MKLN1: variants seen among roughly 807,000 people sequenced by gnomAD.
MKLN1 encodes muskelin.
A neutral mutation model predicts 99.0 loss-of-function variants in MKLN1; 18 were observed. The observed-to-expected ratio is 0.18, with a 90% confidence interval of 0.13 to 0.27. The LOEUF is 0.27. Among genes scored for constraint, MKLN1 ranks in the 10% least tolerant of loss-of-function variants. The pLI is 1.00. For synonymous variants in MKLN1, 288 were observed against 293.2 expected, an observed-to-expected ratio of 0.98 and a Z score of 0.18; for missense variants, 621 against 875.9, an observed-to-expected ratio of 0.71 and a Z score of 3.67.
In MKLN1 at chr7:131,414,251, C is replaced by T. The variant is rs570610175; in HGVS notation, c.782-394C>T. On this transcript the variant is annotated intron_variant, in intron 7 of 17. Transcript: ENST00000352689. ...ATAACTCGACTTTAAAACTGCTCAT[C>T]ATACTAATGAACTATGCCTAGAATA... Among the ~76,000 whole-genome samples the T allele has an allele frequency of 2.7e-4, 41 of 152,254 alleles. No homozygotes were observed. The South Asian group carries it at 8.1e-3, about 30-fold the overall frequency.
intron 2 of MKLN1, among the ~76,000 whole-genome samples, chr7:131,191,802 C>T (rs1345265507): frequency 6.7e-6 from 1 of 150,368 alleles, no homozygotes; most frequent in Non-Finnish European, 1.5e-5. Context: ...CAACCTCCGC[C>T]TCCCAGCTTC....
chr7:131,472,558 C>T (rs1584778138), intron 16 of MKLN1, among the ~76,000 whole-genome samples: 1 of 151,414 alleles, frequency 6.6e-6, no homozygotes, highest in East Asian at 2.0e-4. Context: ...AATTGGTGAG[C>T]CCTAGTAGAA....
chr7:131,188,790 C>T (rs1254187622), intron 2 of MKLN1, among the ~76,000 whole-genome samples: 1 of 152,118 alleles, frequency 6.6e-6, no homozygotes, highest in African/African-American at 2.4e-5. Context: ...CAATCATCAT[C>T]TAAAACAGCG....
intron 7 of MKLN1, among the ~76,000 whole-genome samples, chr7:131,411,771 A>G (rs1794882277): frequency 6.6e-6 from 1 of 151,608 alleles, no homozygotes; most frequent in African/African-American, 2.4e-5. Flanking sequence ...GCTGGGCGTG[A>G]TGGTGTGTGC....
chr7:131,227,481 T>TTC (rs1296196790), intron 3 of MKLN1, among the ~76,000 whole-genome samples: 51 of 145,956 alleles, frequency 3.5e-4, no homozygotes, highest in Admixed American at 6.2e-4. Flanking sequence ...CTTTCTCTCT[T>TTC]TCTCTCTTTC....
At chr7:131,428,249 G>A (rs966057509) in intron 8 of MKLN1, among the ~76,000 whole-genome samples, 31 of 152,146 alleles carry the variant, frequency 2.0e-4, no homozygotes, top group Admixed American at 1.9e-3. Flanking sequence ...ATTCACTGAA[G>A]AAGAAAATCA....
At chr7:131,139,853 C>T (rs1336995737) in intron 1 of MKLN1, among the ~76,000 whole-genome samples, 1 of 152,088 alleles carries the variant, frequency 6.6e-6, no homozygotes, top group Non-Finnish European at 1.5e-5. Flanking sequence ...TTGGCCAAGA[C>T]CAGTACTGGT....
At chr7:131,152,594 G>A (rs1033190123) in intron 2 of MKLN1, among the ~76,000 whole-genome samples, 22 of 151,338 alleles carry the variant, frequency 1.5e-4, no homozygotes, top group African/African-American at 5.3e-4. Context: ...CCACCTCCTG[G>A]GGTCAAGCGA....
At chr7:131,169,568 T>C (rs1447208421) in intron 2 of MKLN1, among the ~76,000 whole-genome samples, 1 of 152,234 alleles carries the variant, frequency 6.6e-6, no homozygotes, top group Non-Finnish European at 1.5e-5. Context: ...AAGCTCTTTT[T>C]TGAGACAATA....
In MKLN1 at chr7:131,245,565, C is replaced by T. The variant is rs1038385877; in HGVS notation, c.-179+42591C>T. On this transcript the variant is annotated intron_variant, in intron 3 of 7. Coordinates refer to the MKLN1 transcript ENST00000416992. ...AAAGTGCTGGGATTACAGGCGTGAG[C>T]CACTGTGCCCGGCCCTATACTGTCT... is the stretch of plus-strand genomic sequence containing the variant. Among the ~76,000 whole-genome samples the T allele has an allele frequency of 2.0e-5, 3 of 152,198 alleles. No homozygotes were observed. The East Asian group carries it at 5.8e-4, about 29-fold the overall frequency.
At chr7:131,396,949 A>G (rs1240987488) in intron 4 of MKLN1, among the ~76,000 whole-genome samples, 2 of 152,216 alleles carry the variant, frequency 1.3e-5, no homozygotes, top group Non-Finnish European at 2.9e-5. Flanking sequence ...ATTCTAAAGT[A>G]ATTTTTTGCT....
intron 2 of MKLN1, among the ~76,000 whole-genome samples, chr7:131,150,543 T>G (rs1795874289): frequency 6.6e-6 from 1 of 152,096 alleles, no homozygotes; most frequent in African/African-American, 2.4e-5. Flanking sequence ...AAAGTCATTG[T>G]ACTAAACACT....
intron 3 of MKLN1, among the ~76,000 whole-genome samples, chr7:131,254,020 C>T (rs893401351): frequency 2.0e-5 from 3 of 152,140 alleles, no homozygotes; most frequent in African/African-American, 4.8e-5. Flanking sequence ...ACAATTTACA[C>T]CCTAGGGCAT....
intron 17 of MKLN1, among the ~76,000 whole-genome samples, chr7:131,485,268 T>C (rs1213626867): frequency 6.6e-6 from 1 of 151,956 alleles, no homozygotes; most frequent in African/African-American, 2.4e-5. Context: ...GAGTATAACA[T>C]TGAGCAAGAG....
chr7:131,492,824 G>A lies in MKLN1; in HGVS notation c.*5096G>A, dbSNP rs989576435. 2 of 151,832 alleles carry A rather than the reference G, an allele frequency of 1.3e-5. No homozygotes were observed. Among genetic ancestry groups the A allele is most frequent in the Non-Finnish European group, 2.9e-5 (2 of 68,002 alleles). The allele number at this position is 151,832 out of a possible 1,614,324, so 9.4% of individuals were successfully genotyped here. ...GTCATAGCCAATGAAATCATCTGACGGTAGCTTCTGTAGCCCTTAACCTAA... is the reference window on the plus strand; with the variant it reads ...GTCATAGCCAATGAAATCATCTGACAGTAGCTTCTGTAGCCCTTAACCTAA... On this transcript the variant is annotated 3_prime_UTR_variant, in exon 18 of 18. Coordinates refer to ENST00000352689, the MANE Select transcript of MKLN1 (RefSeq NM_013255.5).
At chr7:131,135,185 C>T (rs568301513) in intron 1 of MKLN1, among the ~76,000 whole-genome samples, 2 of 152,344 alleles carry the variant, frequency 1.3e-5, no homozygotes, top group African/African-American at 4.8e-5. Flanking sequence ...TGCAGCAGAG[C>T]GATCTCGGCT....
At chr7:131,473,733 G>A (rs1796891741) in intron 16 of MKLN1, among the ~76,000 whole-genome samples, 1 of 152,146 alleles carries the variant, frequency 6.6e-6, no homozygotes, top group Admixed American at 6.5e-5. Flanking sequence ...AATAGGTCAG[G>A]CATTCTAGGC....
chr7:131,196,727 C>T (rs1235523897), intron 2 of MKLN1, among the ~76,000 whole-genome samples: 4 of 152,154 alleles, frequency 2.6e-5, no homozygotes, highest in African/African-American at 9.7e-5. Flanking sequence ...TCCTCTTCAG[C>T]TCTTCTCCTT....
chr7:131,445,635 C>G, intron 11 of MKLN1, 139 bp from the exon 12 acceptor site: 1 of 597,930 alleles, frequency 1.7e-6, no homozygotes, highest in South Asian at 2.9e-5. Context: ...TTCCTCTTTC[C>G]CTTTTATTCC....
Sources: gnomAD v4.1 joint callset for allele counts (sites outside exome capture counted in the v4.1 genomes callset) on GRCh38, gnomAD v4.1.1 for gene constraint, MANE v1.5 for transcripts, NCBI Gene and HGNC (gene_info 2026-07-23, HGNC 2026-07-21) for gene names.